The following ERVW-1 variants were observed in gnomAD, a reference collection of about 807,000 sequenced individuals.
The protein encoded by ERVW-1 is syncytin-1.
A neutral mutation model predicts 16.6 loss-of-function variants in ERVW-1; 21 were observed. The ratio of observed to expected loss-of-function variants is 1.26; its 90% CI spans 0.90 to 1.82. ERVW-1 has a LOEUF of 1.82. Ranked by LOEUF, ERVW-1 falls within the 40% of genes most tolerant of loss-of-function variation. ERVW-1 has a pLI of 0.00. For synonymous variants in ERVW-1, 161 were observed against 109.8 expected, an observed-to-expected ratio of 1.47 and a Z score of -2.92; for missense variants, 412 against 300.2, an observed-to-expected ratio of 1.37 and a Z score of -2.75.
intron 1 of ERVW-1, among the ~76,000 whole-genome samples, chr7:92,476,940 G>A (rs1009181502): frequency 1.3e-5 from 2 of 152,160 alleles, no homozygotes; most frequent in African/African-American, 4.8e-5. Context: ...TACCTAGGAG[G>A]CAGGGATCAG....
At chr7:92,475,846 C>T (rs552489235) in intron 1 of ERVW-1, among the ~76,000 whole-genome samples, 12 of 152,274 alleles carry the variant, frequency 7.9e-5, no homozygotes, top group African/African-American at 2.9e-4. Flanking sequence ...TATGCAAATG[C>T]ATTACAGAGA....
Position 92,468,753 on chromosome 7 carries a change from C to A in ERVW-1, c.*12G>T. 1.4e-6 allele frequency: 1 copy of A among 704,790 alleles called. No homozygotes were observed. The highest frequency in any genetic ancestry group is 2.6e-6 in the Non-Finnish European group (1 of 389,226). 43.7% of individuals were successfully genotyped at this position (704,790 alleles called of 1,614,324 possible). ...ACCTAAGTGCTGTTGGGGAGGTTGG[C>A]CGACGACCGCTCTAACTGCTTCCTG... On this transcript the variant is annotated 3_prime_UTR_variant, in exon 2 of 2. Transcript: ENST00000603053.
chr7:92,469,983 G>A lies in ERVW-1; in HGVS notation c.399C>T (p.Ile133=). The A allele has an allele frequency of 3.9e-6, 3 of 777,158 alleles. No individual in the cohort carries two copies. Among genetic ancestry groups the A allele is most frequent in the Non-Finnish European group, 4.8e-6 (2 of 417,006 alleles). The allele number at this position is 777,158 out of a possible 1,614,324, so 48.1% of individuals were successfully genotyped here. The part of the protein sequence containing the change: ...QAREKHVKEV[I]SQLTRVHGTS... ...TGCCATGTACCCGGGTGAGTTGGGAGATTACTTCTTTTACATGTTTTTCTC... is the reference window on the plus strand; with the variant it reads ...TGCCATGTACCCGGGTGAGTTGGGAAATTACTTCTTTTACATGTTTTTCTC... Residue 133 remains isoleucine, a synonymous_variant, in exon 2 of 2, where the codon ATC becomes ATT. Transcript: ENST00000603053.
rs1443734368 is a variant in ERVW-1 at position 92,468,499 on chromosome 7, T to C, written c.*266A>G. ...AGACTTGGGTTTATATCCCGATCAT[T>C]GTCCCTCCTGCTGTGCTCTCAGGCA... On this transcript the variant is annotated 3_prime_UTR_variant, in exon 2 of 2. Transcript: ENST00000603053. 3.4e-6 allele frequency: 1 copy of C among 292,558 alleles called. No individual in the cohort carries two copies. Among genetic ancestry groups the C allele is most frequent in the Non-Finnish European group, 6.3e-6 (1 of 159,300 alleles). The allele number at this position is 292,558 out of a possible 1,614,324, so 18.1% of individuals were successfully genotyped here.
At position 92,470,176 on chromosome 7, in the gene ERVW-1, G is replaced by A. The variant is rs1249484858; in HGVS notation, c.206C>T (p.Pro69Leu). Residue 69 changes from proline (P) to leucine (L), a missense_variant, in exon 2 of 2, where the codon CCC becomes CTC. Pro to Leu is a moderately conservative substitution (Grantham distance 98). Transcript: ENST00000603053. The stretch of plus-strand genomic sequence containing the variant: ...AGTGGCAGAGTGATAGCAGTTGCGG[G>A]GCATATGGGTGTGGGCAGTGAAGGT... ...TPTFTAHTHM[P>L]RNCYHSATLC... is the part of the protein sequence containing the mutation. 5.1e-6 allele frequency: 4 copies of A among 778,638 alleles called. No individual in the cohort carries two copies. The highest frequency in any genetic ancestry group is 9.6e-6 in the Non-Finnish European group (4 of 417,914). The allele number at this position is 778,638 out of a possible 1,614,324, so 48.2% of individuals were successfully genotyped here.
intron 1 of ERVW-1, among the ~76,000 whole-genome samples, chr7:92,474,012 G>C (rs1184859067): frequency 6.6e-6 from 1 of 152,044 alleles, no homozygotes; most frequent in Non-Finnish European, 1.5e-5. Flanking sequence ...ACTTCTACTT[G>C]GACAATCTTT....
Position 92,470,410 on chromosome 7 carries a change from C to A in ERVW-1, c.-29G>T, listed in dbSNP as rs779248211. 10 of 666,898 alleles carry A rather than the reference C, an allele frequency of 1.5e-5. No individual in the cohort carries two copies. The highest frequency in any genetic ancestry group is 2.7e-5 in the Non-Finnish European group (10 of 364,988). 41.3% of individuals were successfully genotyped at this position (666,898 alleles called of 1,614,324 possible). A position where few individuals can be genotyped will look rare whatever the true frequency, so the allele number is the denominator to read the frequency against. ...GATTTATGATTTTAGTTACTTTCCT[C>A]CTGGTTGTTGTTTGAAGAGCAGGCG... On this transcript the variant is annotated 5_prime_UTR_variant, in exon 2 of 2. Transcript: ENST00000603053.
intron 1 of ERVW-1, chr7:92,474,757 A>G (rs1790471754): frequency 6.6e-6 from 1 of 152,220 alleles, no homozygotes; most frequent in African/African-American, 2.4e-5. Flanking sequence ...CCCTTGTAAA[A>G]CATCAATATA....
rs552635041 is a variant in ERVW-1 at position 92,468,888 on chromosome 7, G to A, written c.1494C>T (p.Tyr498=). 15 of 764,234 alleles carry A rather than the reference G, an allele frequency of 2.0e-5. No individual in the cohort carries two copies. In the Admixed American group the frequency reaches 2.5e-4, roughly 13 times the overall value. The allele number at this position is 764,234 out of a possible 1,614,324, so 47.3% of individuals were successfully genotyped here. The change falls in exon 2 of 2, where the codon TAC becomes TAT. Residue 498 remains tyrosine (Y), a synonymous_variant. Coordinates refer to ENST00000603053, the MANE Select transcript of ERVW-1 (RefSeq NM_001130925.2). ...EPKMQSKTKI[Y]RRPLDRPASP... is the part of the protein sequence containing the mutation. ...TAGCAGGCCGGTCCAGGGGTCTGCG[G>A]TAGATCTTAGTCTTGGACTGCATCT...
Position 92,469,427 on chromosome 7 carries a change from G to A in ERVW-1, c.955C>T (p.Pro319Ser). ...GCTCCTATAACAAAAGGAAGAATGGGTACTCTTTTGTTGCGGGGCTTAGAT... is the reference window on the plus strand; with the variant it reads ...GCTCCTATAACAAAAGGAAGAATGGATACTCTTTTGTTGCGGGGCTTAGAT... The part of the protein sequence containing the change: ...VISKPRNKRV[P>S]ILPFVIGAGV... The change falls in exon 2 of 2, where the codon CCC becomes TCC. Residue 319 changes from proline to serine, a missense_variant. Transcript: ENST00000603053. The A allele has an allele frequency of 1.3e-6, 1 of 771,720 alleles. No individual in the cohort carries two copies. The highest frequency in any genetic ancestry group is 2.4e-6 in the Non-Finnish European group (1 of 415,762). 47.8% of individuals were successfully genotyped at this position (771,720 alleles called of 1,614,324 possible).
At position 92,470,450 on chromosome 7, in the gene ERVW-1, G is replaced by A. The variant is rs1380826653; in HGVS notation, c.-69C>T. ...AAGAGCAGGCGCAAATCCTCTAGAG[G>A]TTCACAGGAATAGCTAGCGTTGTCT... On this transcript the variant is annotated 5_prime_UTR_variant, in exon 2 of 2. Transcript: ENST00000603053. 6 of 621,834 alleles carry A rather than the reference G, an allele frequency of 9.6e-6. No individual in the cohort carries two copies. Among genetic ancestry groups the A allele is most frequent in the Non-Finnish European group, 1.7e-5 (6 of 343,702 alleles). 38.5% of individuals were successfully genotyped at this position (621,834 alleles called of 1,614,324 possible).
intron 1 of ERVW-1, among the ~76,000 whole-genome samples, chr7:92,473,725 A>G (rs776438042): frequency 1.4e-4 from 22 of 151,880 alleles, no homozygotes; most frequent in Non-Finnish European, 3.1e-4. Context: ...ACCCCCTCAG[A>G]TAGTGACAGA....
Position 92,468,988 on chromosome 7 carries a change from C to T in ERVW-1, c.1394G>A (p.Gly465Glu), listed in dbSNP as rs770829663. 2 of 759,762 alleles carry T rather than the reference C, an allele frequency of 2.6e-6. No homozygotes were observed. Among genetic ancestry groups the T allele is most frequent in the South Asian group, 2.7e-5 (2 of 73,952 alleles). The allele number at this position is 759,762 out of a possible 1,614,324, so 47.1% of individuals were successfully genotyped here. ...AACAAGGAGGTTAAAGATACAGGGT[C>T]CAAAGAGGAGTAGCAATATTATAGC... ...LAAIILLLLF[G>E]PCIFNLLVNF... Residue 465 changes from glycine (G) to glutamate (E), a missense_variant, in exon 2 of 2, where the codon GGA becomes GAA. Physicochemically the swap from Gly to Glu is moderately conservative, Grantham distance 98. Transcript: ENST00000603053.
Position 92,469,549 on chromosome 7 carries a change from C to T in ERVW-1, c.833G>A (p.Arg278His), listed in dbSNP as rs770777919. 43 of 765,792 alleles carry T rather than the reference C, an allele frequency of 5.6e-5. No individual in the cohort carries two copies. The highest frequency in any genetic ancestry group is 7.4e-5 in the Non-Finnish European group (31 of 417,622). The allele number at this position is 765,792 out of a possible 1,614,324, so 47.4% of individuals were successfully genotyped here. The change falls in exon 2 of 2, where the codon CGT becomes CAT. Residue 278 changes from arginine (R) to histidine (H), a missense_variant. Coordinates refer to ENST00000603053, the MANE Select transcript of ERVW-1 (RefSeq NM_001130925.2). ...IFFVCGTSAY[R>H]CLNGSSESMC... ...AGATTCTGAAGAGCCATTCAAACAA[C>T]GATAGGCTGAGGTACCACAGACAAA...
intron 1 of ERVW-1, among the ~76,000 whole-genome samples, chr7:92,476,616 GTC>G (rs746818342): frequency 3.6e-4 from 55 of 151,072 alleles, no homozygotes; most frequent in African/African-American, 1.3e-3. Context: ...TCTCCTCTTT[GTC>G]TCTCTCTCTC....
intron 1 of ERVW-1, among the ~76,000 whole-genome samples, chr7:92,476,065 C>T (rs895011848): frequency 6.6e-6 from 1 of 152,168 alleles, no homozygotes; most frequent in Non-Finnish European, 1.5e-5. Context: ...AACCATCTAT[C>T]GTCCTGTCCT....
Position 92,468,634 on chromosome 7 carries a change from G to A in ERVW-1, c.*131C>T. 4 of 580,600 alleles carry A rather than the reference G, an allele frequency of 6.9e-6. No individual in the cohort carries two copies. In the South Asian group the frequency reaches 8.8e-5, roughly 13 times the overall value. The allele number at this position is 580,600 out of a possible 1,614,324, so 36.0% of individuals were successfully genotyped here. On this transcript the variant is annotated 3_prime_UTR_variant, in exon 2 of 2. Transcript: ENST00000603053. ...GTTGCAAGCCCCGTGTTTAAAGGTG[G>A]ATGTGGTCACCTTCCCAGCTAGGCT...
chr7:92,476,125 T>C (rs1294269224), intron 1 of ERVW-1, among the ~76,000 whole-genome samples: 1 of 152,242 alleles, frequency 6.6e-6, no homozygotes, highest in Non-Finnish European at 1.5e-5. Flanking sequence ...GTAATTAAGA[T>C]TTAAATCCCG....
In ERVW-1 at chr7:92,469,080, G is replaced by T; in HGVS notation, c.1302C>A (p.Asn434Lys). Residue 434 changes from asparagine to lysine, a missense_variant, in exon 2 of 2, where the codon AAC becomes AAA. Coordinates refer to ENST00000603053, the MANE Select transcript of ERVW-1 (RefSeq NM_001130925.2). The stretch of plus-strand genomic sequence containing the variant: ...GGCTGAGGAGGCCCCAGGGTCCAGT[G>T]TTTCGAAGCTCCTCTGCTCTACGTT... ...RIQRRAEELR[N>K]TGPWGLLSQW... 1.4e-6 allele frequency: 1 copy of T among 703,366 alleles called. No individual in the cohort carries two copies. The allele number at this position is 703,366 out of a possible 1,614,324, so 43.6% of individuals were successfully genotyped here.
Sources: allele counts gnomAD v4.1 joint callset (sites outside exome capture counted in the v4.1 genomes callset), GRCh38; gene constraint gnomAD v4.1.1; transcripts MANE v1.5; gene names NCBI Gene and HGNC (gene_info 2026-07-23, HGNC 2026-07-21).